STX4: variants seen among roughly 807,000 people sequenced by gnomAD.
STX4 encodes the protein syntaxin-4.
STX4 carries 24 observed loss-of-function variants against 41.8 expected under a neutral mutation model. The observed-to-expected ratio is 0.57, with a 90% confidence interval of 0.42 to 0.81. STX4 has a LOEUF of 0.81. Among genes scored for constraint, STX4 ranks in the 30% least tolerant of loss-of-function variants. STX4 has a pLI of 0.00. For synonymous variants in STX4, 158 were observed against 156.4 expected (o/e 1.01, Z -0.08); for missense variants, 316 against 389.9 (o/e 0.81, Z 1.60).
intron 5 of STX4, among the ~76,000 whole-genome samples, chr16:31,036,550 T>C (rs943007923): frequency 6.6e-6 from 1 of 152,166 alleles, no homozygotes. Context: ...TGGAACTGTT[T>C]AGGATACAGC....
At position 31,039,603 on chromosome 16, in the gene STX4, G is replaced by A. The variant is rs761558550; in HGVS notation, c.765G>A (p.Gly255=). 3 of 1,614,042 alleles carry A rather than the reference G, an allele frequency of 1.9e-6. No individual in the cohort carries two copies. The highest frequency in any genetic ancestry group is 2.5e-6 in the Non-Finnish European group (3 of 1,180,032). The change falls in exon 9 of 11, where the codon GGG becomes GGA. Residue 255 remains glycine, a synonymous_variant. Transcript: ENST00000313843. This position sits in a 1 kb window ranked among gnomAD's most constrained non-coding sequence, Gnocchi z 4.1. ...ILSSADYVER[G]QEHVKTALEN... is the part of the protein sequence containing the mutation. ...GCTCAGCGGACTACGTGGAACGTGG[G>A]CAGGAGCACGTCAAGACGGCCCTGG... is the stretch of plus-strand genomic sequence containing the variant.
rs1362757125 is a variant in STX4, at chr16:31,039,877, T to A, written c.*16-35T>A. Reference sequence around the variant, plus strand: ...CAGCCCTGGCCCCAGCCCTCCCTCCTCCCTCAGACCCTGTTCTCCCTCCTT... The same window carrying A: ...CAGCCCTGGCCCCAGCCCTCCCTCCACCCTCAGACCCTGTTCTCCCTCCTT... On this transcript the variant is annotated intron_variant, in intron 10 of 10. Transcript: ENST00000313843. This position sits in a 1 kb window ranked among gnomAD's most constrained non-coding sequence, Gnocchi z 4.1. 2 of 1,526,448 alleles carry A rather than the reference T, an allele frequency of 1.3e-6. No individual in the cohort carries two copies. The highest frequency in any genetic ancestry group is 2.7e-5 in the African/African-American group (2 of 73,138). The allele number at this position is 1,526,448 out of a possible 1,614,324, so 94.6% of individuals were successfully genotyped here.
rs565521300 is a variant in STX4, at chr16:31,035,038, C to T, written c.376C>T (p.Gln126Ter). 1 of 1,603,430 alleles carries T rather than the reference C, an allele frequency of 6.2e-7. No individual in the cohort carries two copies. Among genetic ancestry groups the T allele is most frequent in the East Asian group, 2.2e-5 (1 of 44,584 alleles). Residue 126 changes from glutamine to a stop codon, truncating the protein, a stop_gained and splice_region_variant, in exon 5 of 11, where the codon CAG (glutamine) becomes TAG (stop). Coordinates refer to ENST00000313843, the MANE Select transcript of STX4 (RefSeq NM_004604.5). LOFTEE classifies it high-confidence loss of function. ...NSVNTRMRKT[Q>*]HGVLSQQFVE... is the part of the protein sequence containing the mutation. Reference sequence around the variant, plus strand: ...CGTCAACACAAGAATGAGAAAAACCCAGGTGGGTTTTTTTTCTCAGAAATG... The same window carrying T: ...CGTCAACACAAGAATGAGAAAAACCTAGGTGGGTTTTTTTTCTCAGAAATG...
Sources: gnomAD v4.1 joint callset for allele counts (sites outside exome capture counted in the v4.1 genomes callset) on GRCh38, gnomAD v4.1.1 for gene constraint, Gnocchi (gnomAD v3.1) non-coding constraint, MANE v1.5 for transcripts, NCBI Gene and HGNC (gene_info 2026-07-23, HGNC 2026-07-21) for gene names.